Variants in RNF17 observed in about 807,000 individuals in gnomAD.
RNF17 encodes ring finger protein 17, also known as spermatogenesis associated 23.
In RNF17, 31 loss-of-function variants were observed where a neutral mutation model predicts 200.5. The ratio of observed to expected loss-of-function variants is 0.15; its 90% CI spans 0.12 to 0.21. The LOEUF is 0.21. RNF17 is among the 10% of genes least tolerant of loss of function. The probability of loss-of-function intolerance (pLI) is 1.00; values close to 1 mark genes in which losing one functional copy is unlikely to be tolerated. For synonymous variants in RNF17, 606 were observed against 637.8 expected, an observed-to-expected ratio of 0.95 and a Z score of 0.75; for missense variants, 1,628 against 1,905.1, an observed-to-expected ratio of 0.85 and a Z score of 2.71.
At chr13:24,760,452 C>T (rs1878640079), upstream of RNF17, among the ~76,000 whole-genome samples, 1 of 152,114 alleles carries the variant, frequency 6.6e-6, no homozygotes, top group Non-Finnish European at 1.5e-5. Flanking sequence ...AGATCATTAT[C>T]TCACATTATA....
At chr13:24,857,555 G>A (rs576659927) in intron 25 of RNF17, among the ~76,000 whole-genome samples, 13 of 152,242 alleles carry the variant, frequency 8.5e-5, no homozygotes, top group Non-Finnish European at 1.3e-4. Flanking sequence ...TGGGTGGAGC[G>A]TTTCCAAGTT....
chr13:24,829,104 C>T (rs73162051), intron 16 of RNF17, among the ~76,000 whole-genome samples: 26,698 of 152,092 alleles, frequency 0.18, 2,504 homozygotes, highest in South Asian at 0.32. Flanking sequence ...CCTTTATCTT[C>T]TCCAATTGGG....
In RNF17 at chr13:24,793,186, T is replaced by A. The variant is rs74420609; in HGVS notation, c.1080T>A (p.Pro360=). Residue 360 remains proline, a synonymous_variant, in exon 10 of 36, where the codon CCT becomes CCA. Coordinates refer to ENST00000255324, the MANE Select transcript of RNF17 (RefSeq NM_031277.3). ...MSVLTSEAPP[P]PLQPETNDVH... is the part of the protein sequence containing the mutation. ...TCCTAACCAGTGAAGCACCACCACCTCCTTTGCAACCTGAGACAAATGATG... is the reference window on the plus strand; with the variant it reads ...TCCTAACCAGTGAAGCACCACCACCACCTTTGCAACCTGAGACAAATGATG... The A allele has an allele frequency of 4.7e-3, 7,565 of 1,614,038 alleles. 253 individuals are homozygous for A. In the East Asian group the frequency reaches 0.1, roughly 22 times the overall value.
chr13:24,787,063 C>T (rs369069180), intron 6 of RNF17, among the ~76,000 whole-genome samples: 13 of 152,006 alleles, frequency 8.6e-5, no homozygotes, highest in African/African-American at 2.9e-4. Context: ...TTCAAGTTGG[C>T]TCGTTCTTTC....
At chr13:24,862,546 A>T (rs2138329149) in intron 27 of RNF17, among the ~76,000 whole-genome samples, 167 bp from the exon 28 acceptor site, 1 of 152,298 alleles carries the variant, frequency 6.6e-6, no homozygotes, top group East Asian at 1.9e-4. Context: ...ATTCATTTTT[A>T]AAGATTATTT....
chr13:24,781,031 T>G (rs2137555994), intron 5 of RNF17, among the ~76,000 whole-genome samples: 1 of 152,270 alleles, frequency 6.6e-6, no homozygotes, highest in South Asian at 2.1e-4. Context: ...GCTTCTAAAA[T>G]ACATTGGTGA....
Position 24,852,263 on chromosome 13 carries a change from T to C in RNF17, c.3320+692T>C, listed in dbSNP as rs570089059. On this transcript the variant is annotated intron_variant, in intron 24 of 35. Transcript: ENST00000255324. ...ACGCCATTCTCCTGCCTCAGCCTCC[T>C]GAGTAGCTGGGACTACAGGTGGCCG... Among the ~76,000 whole-genome samples, 20 of 151,860 alleles carry C rather than the reference T, an allele frequency of 1.3e-4. No homozygotes were observed. The South Asian group carries it at 1.5e-3, about 11-fold the overall frequency.
chr13:24,842,911 C>T (rs529469351), intron 19 of RNF17, among the ~76,000 whole-genome samples: 6 of 151,672 alleles, frequency 4.0e-5, no homozygotes, highest in African/African-American at 1.5e-4. Context: ...CACTTGAACC[C>T]AGGAGGCGGA....
In RNF17 at chr13:24,879,226, G is replaced by A; in HGVS notation, c.4813G>A (p.Glu1605Lys). The change falls in exon 35 of 36, where the codon GAA becomes AAA. Residue 1605 changes from glutamate to lysine, a missense_variant. Glu to Lys is a moderately conservative substitution (Grantham distance 56). This residue lies in a region of RNF17 where 609 missense variants were observed against 681.9 expected (regional missense o/e 0.89). Coordinates refer to ENST00000255324, the MANE Select transcript of RNF17 (RefSeq NM_031277.3). ...PEQIVTLYDDEQHPVHMPLVE... is the reference protein window; with the variant it reads ...PEQIVTLYDDKQHPVHMPLVE... ...ACAGATAGTGACATTATATGACGAT[G>A]AACAGCATCCAGTTCATATGCCGTT... is the stretch of plus-strand genomic sequence containing the variant. The A allele has an allele frequency of 6.2e-7, 1 of 1,613,894 alleles. No homozygotes were observed. The highest frequency in any genetic ancestry group is 8.5e-7 in the Non-Finnish European group (1 of 1,179,808).
chr13:24,869,239 A>G (rs1893991498), intron 31 of RNF17, among the ~76,000 whole-genome samples: 1 of 152,204 alleles, frequency 6.6e-6, no homozygotes, highest in Admixed American at 6.6e-5. Context: ...GTCCTTGGCT[A>G]ACAAAGAGAG....
At chr13:24,857,858 A>G (rs755369387) in intron 25 of RNF17, among the ~76,000 whole-genome samples, 1 of 152,180 alleles carries the variant, frequency 6.6e-6, no homozygotes, top group African/African-American at 2.4e-5. Flanking sequence ...CGTTCATGCC[A>G]CTGCTCCAGC....
chr13:24,812,686 T>TCCCCCCCC (rs1886857916), intron 15 of RNF17, among the ~76,000 whole-genome samples: 1 of 13,028 alleles, frequency 7.7e-5, no homozygotes, highest in Non-Finnish European at 1.6e-4. Context: ...CCCACCCCCT[T>TCCCCCCCC]TTTTTTTTTT....
chr13:24,849,347 C>T lies in RNF17; in HGVS notation c.3102-994C>T, dbSNP rs192130562. Among the ~76,000 whole-genome samples, 562 of 152,332 alleles carry T rather than the reference C, an allele frequency of 3.7e-3. 2 individuals are homozygous for T. Among genetic ancestry groups the T allele is most frequent in the Middle Eastern group, 0.017 (5 of 294 alleles). On this transcript the variant is annotated intron_variant, in intron 22 of 35. Transcript: ENST00000255324. The stretch of plus-strand genomic sequence containing the variant: ...TTAGAGACATCTAAGGCAAGCTTGT[C>T]CAACCCACAGCCCACAGGCCACATG...
chr13:24,825,489 A>G (rs1888526783), intron 15 of RNF17, 130 bp from the exon 16 acceptor site: 9 of 683,544 alleles, frequency 1.3e-5, no homozygotes, highest in Middle Eastern at 4.2e-4. Context: ...ATTACGTAAC[A>G]CAATTGATAG....
chr13:24,845,784 A>G (rs776298941), intron 22 of RNF17, among the ~76,000 whole-genome samples: 36 of 152,236 alleles, frequency 2.4e-4, no homozygotes, highest in Non-Finnish European at 4.1e-4. Flanking sequence ...CCAAACTCCC[A>G]CAATACTGGA....
the RNF17 span, among the ~76,000 whole-genome samples, chr13:24,753,017 A>C: frequency 6.6e-6 from 1 of 152,126 alleles, no homozygotes; most frequent in Non-Finnish European, 1.5e-5. Flanking sequence ...TTGGGCAAGA[A>C]GTTCTGTGCA....
At chr13:24,796,790 C>T (rs1884631360) in intron 11 of RNF17, among the ~76,000 whole-genome samples, 1 of 152,090 alleles carries the variant, frequency 6.6e-6, no homozygotes, top group Non-Finnish European at 1.5e-5. Flanking sequence ...ATGCTTCGGG[C>T]TTTTGTTACG....
Position 24,803,996 on chromosome 13 carries a change from G to T in RNF17, c.1950-292G>T. The T allele has an allele frequency of 6.5e-6, 2 of 309,722 alleles. 1 individual carries two copies. The highest frequency in any genetic ancestry group is 1.2e-5 in the Non-Finnish European group (2 of 166,784). The allele number at this position is 309,722 out of a possible 1,614,324, so 19.2% of individuals were successfully genotyped here. A position where few individuals can be genotyped will look rare whatever the true frequency, so the allele number is the denominator to read the frequency against. ...GAGACTAAGAAAATGGCTTGGCCAGGTATGGTGGCTTACACTTGTATCCCA... is the reference window on the plus strand; with the variant it reads ...GAGACTAAGAAAATGGCTTGGCCAGTTATGGTGGCTTACACTTGTATCCCA... On this transcript the variant is annotated intron_variant, in intron 14 of 35. Transcript: ENST00000255324.
intron 2 of RNF17, among the ~76,000 whole-genome samples, chr13:24,772,258 AAT>A (rs1880845691): frequency 6.6e-6 from 1 of 152,130 alleles, no homozygotes. Flanking sequence ...GTAGTGTTAT[AAT>A]AGTCTTATTA....
Sources: allele counts gnomAD v4.1 joint callset (sites outside exome capture counted in the v4.1 genomes callset), GRCh38; gene constraint gnomAD v4.1.1; regional missense constraint gnomAD v4.1.1; transcripts MANE v1.5; gene names NCBI Gene and HGNC (gene_info 2026-07-23, HGNC 2026-07-21).